RNF19B: variants seen among roughly 807,000 people sequenced by gnomAD.
The protein encoded by RNF19B is E3 ubiquitin-protein ligase RNF19B.
RNF19B carries 23 observed loss-of-function variants against 65.5 expected under a neutral mutation model. That is an observed-to-expected ratio of 0.35 (90% confidence interval 0.25 to 0.50). The LOEUF is 0.50. Among genes scored for constraint, RNF19B ranks in the 20% least tolerant of loss-of-function variants. RNF19B has a pLI of 0.98. For missense variants in RNF19B, 794 were observed against 980.0 expected, an observed-to-expected ratio of 0.81 and a Z score of 2.53; for synonymous variants, 372 against 379.6, an observed-to-expected ratio of 0.98 and a Z score of 0.23.
intron 8 of RNF19B, 43 bp from the exon 9 acceptor site, chr1:32,937,302 T>C (rs1237534800): frequency 1.2e-6 from 2 of 1,610,996 alleles, no homozygotes; most frequent in South Asian, 1.1e-5. Flanking sequence ...GCATGGATCA[T>C]GCTAAACCTG....
At chr1:32,949,811 A>C in intron 1 of RNF19B, 37 bp from the exon 2 acceptor site, 1 of 1,507,810 alleles carries the variant, frequency 6.6e-7, no homozygotes, top group Non-Finnish European at 9.2e-7. Flanking sequence ...CAGTAAGGTA[A>C]GAATGATCTA....
chr1:32,935,991 C>T (rs1008359777), downstream of RNF19B, among the ~76,000 whole-genome samples: 1 of 152,118 alleles, frequency 6.6e-6, no homozygotes, highest in African/African-American at 2.4e-5. Context: ...TCAAATGATC[C>T]ACCTGCCTCG....
chr1:32,946,334 T>C (rs1176139500), intron 4 of RNF19B, 68 bp downstream of exon 4: 8 of 1,400,786 alleles, frequency 5.7e-6, no homozygotes, highest in Non-Finnish European at 6.9e-6. Context: ...CTCCTTCCCA[T>C]TTCCCTCAAA....
Position 32,962,909 on chromosome 1 carries a change from C to G in RNF19B, c.635+1142G>C, listed in dbSNP as rs899544878. 2.6e-5 allele frequency among the ~76,000 whole-genome samples: 4 copies of G among 152,084 alleles called. No individual in the cohort carries two copies. The South Asian group carries it at 8.3e-4, about 32-fold the overall frequency. On this transcript the variant is annotated intron_variant, in intron 1 of 8. Coordinates refer to ENST00000235150, the MANE Select transcript of RNF19B (RefSeq NM_001300826.2). ...ATTAGACTTCTAAAGGCGGGGAGGG[C>G]GAGGAAGGTCTCCACTGAATGCTTC... is the stretch of plus-strand genomic sequence containing the variant.
rs1482406354 is a variant in RNF19B at position 32,936,773 on chromosome 1, T to G, written c.*33A>C. On this transcript the variant is annotated 3_prime_UTR_variant, in exon 9 of 9. Transcript: ENST00000235150. ...AAATTCCAAAAGATGCAGTTACAAG[T>G]GTGCTTCTCAGAACAGGAGCATTCA... The G allele has an allele frequency of 1.4e-6, 2 of 1,472,096 alleles. No homozygotes were observed. Among genetic ancestry groups the G allele is most frequent in the Non-Finnish European group, 9.0e-7 (1 of 1,108,552 alleles). 91.2% of individuals were successfully genotyped at this position (1,472,096 alleles called of 1,614,324 possible).
chr1:32,942,322 T>C lies in RNF19B; in HGVS notation c.1540A>G (p.Ser514Gly), dbSNP rs1171366656. The C allele has an allele frequency of 6.2e-7, 1 of 1,614,174 alleles. No individual in the cohort carries two copies. The highest frequency in any genetic ancestry group is 2.2e-5 in the East Asian group (1 of 44,888). ...VMQGPYSETA[S>G]FAALSGGTLS... ...GTGCCCCCTGAGAGGGCTGCAAAGC[T>C]GGCCGTTTCGCTGTAAGGACCTTGC... The change falls in exon 7 of 9, where the codon AGC becomes GGC. Residue 514 changes from serine to glycine, a missense_variant. By Grantham distance (56) the Ser-to-Gly change is moderately conservative. This residue lies in a region of RNF19B where 368 missense variants were observed against 447.3 expected (regional missense o/e 0.82). Transcript: ENST00000235150.
intron 6 of RNF19B, among the ~76,000 whole-genome samples, chr1:32,943,332 C>G (rs2124126240): frequency 6.6e-6 from 1 of 152,008 alleles, no homozygotes; most frequent in Middle Eastern, 3.4e-3. Context: ...CCCATTTAGG[C>G]CAGATGTGGT....
chr1:32,954,626 T>C (rs966985989), intron 1 of RNF19B, among the ~76,000 whole-genome samples: 7 of 151,182 alleles, frequency 4.6e-5, no homozygotes, highest in Non-Finnish European at 7.4e-5. Flanking sequence ...GTAATCCAGC[T>C]ACTCGGGAGG....
chr1:32,950,174 T>C (rs1642460728), intron 1 of RNF19B, among the ~76,000 whole-genome samples: 1 of 152,108 alleles, frequency 6.6e-6, no homozygotes. Context: ...GGTTTCACCA[T>C]GTTGGCCAGG....
intron 1 of RNF19B, among the ~76,000 whole-genome samples, chr1:32,954,929 T>C (rs1182128569): frequency 6.6e-6 from 1 of 152,108 alleles, no homozygotes; most frequent in African/African-American, 2.4e-5. Context: ...CTATTCCTTC[T>C]ACCTAGAAAT....
At position 32,949,754 on chromosome 1, in the gene RNF19B, C is replaced by T. The variant is rs768794710; in HGVS notation, c.656G>A (p.Gly219Asp). ...PDCGYAVIAY[G>D]CASCPKLTCE... The stretch of plus-strand genomic sequence containing the variant: ...AGTTAGCTTCGGGCAGCTGGCACAG[C>T]CATAGGCAATAACAGCATAACTAGG... Residue 219 changes from glycine to aspartate, a missense_variant, in exon 2 of 9, where the codon GGC becomes GAC. By Grantham distance (94) the Gly-to-Asp change is moderately conservative (BLOSUM62 -1). This residue lies in a region of RNF19B where 374 missense variants were observed against 423.8 expected (regional missense o/e 0.88). Coordinates refer to ENST00000235150, the MANE Select transcript of RNF19B (RefSeq NM_001300826.2). The T allele has an allele frequency of 1.9e-6, 3 of 1,613,718 alleles. No homozygotes were observed. Among genetic ancestry groups the T allele is most frequent in the Non-Finnish European group, 2.5e-6 (3 of 1,179,952 alleles).
chr1:32,957,609 G>C (rs1314345074), intron 1 of RNF19B, among the ~76,000 whole-genome samples: 1 of 152,158 alleles, frequency 6.6e-6, no homozygotes, highest in East Asian at 1.9e-4. Flanking sequence ...TGAGGCGGGT[G>C]GCTCGCTTGA....
chr1:32,957,728 G>A (rs1642673449), intron 1 of RNF19B, among the ~76,000 whole-genome samples: 2 of 152,192 alleles, frequency 1.3e-5, no homozygotes, highest in African/African-American at 4.8e-5. Context: ...CAGATACTTG[G>A]GAGGCTGAGG....
At chr1:32,935,065 C>CAG (rs1283092817), downstream of RNF19B, among the ~76,000 whole-genome samples, 4 of 151,842 alleles carry the variant, frequency 2.6e-5, no homozygotes, top group Non-Finnish European at 5.9e-5. Flanking sequence ...CTCCTGACCT[C>CAG]GTGATTCACC....
chr1:32,959,735 G>C (rs774543463), intron 1 of RNF19B, among the ~76,000 whole-genome samples: 4 of 152,036 alleles, frequency 2.6e-5, no homozygotes, highest in Non-Finnish European at 5.9e-5. Context: ...ATTGTTCTTA[G>C]TATATTAAAT....
At chr1:32,949,310 T>C (rs962363707) in intron 2 of RNF19B, among the ~76,000 whole-genome samples, 3 of 152,198 alleles carry the variant, frequency 2.0e-5, no homozygotes, top group African/African-American at 7.2e-5. Flanking sequence ...TGCTCTCCAA[T>C]CTGAGACATA....
At chr1:32,943,123 AG>A (rs1464210655) in intron 6 of RNF19B, among the ~76,000 whole-genome samples, 1 of 150,644 alleles carries the variant, frequency 6.6e-6, no homozygotes, top group Non-Finnish European at 1.5e-5. Context: ...CCTGGGCAAC[AG>A]AGCAAGACTC....
At chr1:32,940,798 G>C (rs921313575) in intron 7 of RNF19B, among the ~76,000 whole-genome samples, 1 of 152,166 alleles carries the variant, frequency 6.6e-6, no homozygotes, top group Non-Finnish European at 1.5e-5. Context: ...ACTCTGGTCT[G>C]CCTAACTAGT....
chr1:32,938,813 T>C (rs1048933671), intron 7 of RNF19B, among the ~76,000 whole-genome samples: 3 of 152,124 alleles, frequency 2.0e-5, no homozygotes, highest in Admixed American at 6.6e-5. Flanking sequence ...AGCCCTTAAG[T>C]CCAAGTCAAA....
Sources: allele counts gnomAD v4.1 joint callset (sites outside exome capture counted in the v4.1 genomes callset), GRCh38; gene constraint gnomAD v4.1.1; regional missense constraint gnomAD v4.1.1; transcripts MANE v1.5; gene names NCBI Gene and HGNC (gene_info 2026-07-23, HGNC 2026-07-21).